The following ASB5 variants were observed in gnomAD, a reference collection of about 807,000 sequenced individuals.
ASB5 encodes ankyrin repeat and SOCS box protein 5.
ASB5 carries 45 observed loss-of-function variants against 42.1 expected under a neutral mutation model. That is an observed-to-expected ratio of 1.07 (90% CI 0.84 to 1.37). The LOEUF (loss-of-function observed/expected upper bound fraction) is 1.37. Among genes scored for constraint, ASB5 ranks in the 40% most tolerant of loss-of-function variants. The probability of loss-of-function intolerance (pLI) is 0.00; values close to 1 mark genes in which losing one functional copy is unlikely to be tolerated. For missense variants in ASB5, 402 were observed against 399.8 expected, an observed-to-expected ratio of 1.01 and a Z score of -0.05; for synonymous variants, 147 against 150.6, an observed-to-expected ratio of 0.98 and a Z score of 0.18.
Position 176,222,221 on chromosome 4 carries a change from C to T in ASB5, c.384+92G>A, listed in dbSNP as rs189858107. 493 of 1,165,692 alleles carry T rather than the reference C, an allele frequency of 4.2e-4. 1 individual carries two copies. Among genetic ancestry groups the T allele is most frequent in the Admixed American group, 1.9e-3 (81 of 42,820 alleles). 72.2% of individuals were successfully genotyped at this position (1,165,692 alleles called of 1,614,324 possible). A position where few individuals can be genotyped will look rare whatever the true frequency, so the allele number is the denominator to read the frequency against. ...TTATTCTGCTATTTTTGAAAACTAC[C>T]GAGAATGAAGGAAAGAAAAGTAAAA... is the stretch of plus-strand genomic sequence containing the variant. On this transcript the variant is annotated intron_variant, in intron 3 of 6. Coordinates refer to ENST00000296525, the MANE Select transcript of ASB5 (RefSeq NM_080874.4).
chr4:176,263,402 G>C (rs190260077), intron 1 of ASB5, among the ~76,000 whole-genome samples: 2 of 152,050 alleles, frequency 1.3e-5, no homozygotes, highest in Admixed American at 1.3e-4. Flanking sequence ...TTTGTTCCCA[G>C]ATTTCATTTT....
chr4:176,271,738 ATAT>A (rs1430064333), upstream of ASB5, among the ~76,000 whole-genome samples: 5 of 152,102 alleles, frequency 3.3e-5, no homozygotes, highest in East Asian at 1.9e-4. Flanking sequence ...AGGGGGGTGA[ATAT>A]TATTATTCAC....
chr4:176,228,208 A>C (rs955643015), intron 1 of ASB5, among the ~76,000 whole-genome samples: 1 of 152,218 alleles, frequency 6.6e-6, no homozygotes, highest in East Asian at 1.9e-4. Context: ...TTGTCTACAC[A>C]GTCTTTATTA....
intron 1 of ASB5, among the ~76,000 whole-genome samples, chr4:176,231,991 C>T (rs1022841133): frequency 5.3e-5 from 8 of 151,924 alleles, no homozygotes; most frequent in African/African-American, 1.7e-4. Flanking sequence ...CCTCAGTGTT[C>T]TCAAAATAGG....
upstream of ASB5, among the ~76,000 whole-genome samples, chr4:176,271,485 T>A (rs1480429360): frequency 3.3e-5 from 5 of 152,194 alleles, no homozygotes; most frequent in African/African-American, 1.2e-4. Context: ...TAAATGTTTT[T>A]ATAATATACC....
chr4:176,237,599 T>TGGTTTCTA (rs1753717793), intron 1 of ASB5: 1 of 984,032 alleles, frequency 1.0e-6, no homozygotes, highest in African/African-American at 1.7e-5. Context: ...AACACTTGGA[T>TGGTTTCTA]CAGGGCTGGT....
chr4:176,248,106 C>A (rs1476949784), intron 1 of ASB5, among the ~76,000 whole-genome samples: 1 of 152,050 alleles, frequency 6.6e-6, no homozygotes, highest in Non-Finnish European at 1.5e-5. Context: ...CACATGCCCA[C>A]CATATTGGCA....
chr4:176,267,685 C>T (rs956029522), intron 1 of ASB5, among the ~76,000 whole-genome samples: 2 of 152,142 alleles, frequency 1.3e-5, no homozygotes, highest in Non-Finnish European at 2.9e-5. Flanking sequence ...GGGTTAAATA[C>T]AGCCTATTTA....
intron 1 of ASB5, among the ~76,000 whole-genome samples, chr4:176,231,494 G>A (rs1314856883): frequency 6.6e-6 from 1 of 151,508 alleles, no homozygotes; most frequent in East Asian, 1.9e-4. Flanking sequence ...TTAGACCTCT[G>A]TCCATGGCCA....
upstream of ASB5, among the ~76,000 whole-genome samples, chr4:176,273,010 C>T (rs567189442): frequency 8.1e-5 from 11 of 136,224 alleles, no homozygotes; most frequent in African/African-American, 2.5e-4. Context: ...AGTGCAGTGT[C>T]ATGATGACAG....
intron 1 of ASB5, among the ~76,000 whole-genome samples, chr4:176,252,416 G>A (rs1754060699): frequency 1.3e-5 from 2 of 152,198 alleles, no homozygotes; most frequent in African/African-American, 4.8e-5. Flanking sequence ...ATTCACTTAA[G>A]TTTGAGTCCC....
chr4:176,219,355 ATATAAATATATATATTT>A (rs1220759127), intron 5 of ASB5, among the ~76,000 whole-genome samples: 3,496 of 102,826 alleles, frequency 0.034, 1 homozygote, highest in East Asian at 0.04. Context: ...TTTGTATGAT[ATATAAATATATATATTT>A]GTATGATATA....
chr4:176,246,635 C>T (rs1753918584), intron 1 of ASB5, among the ~76,000 whole-genome samples: 1 of 152,184 alleles, frequency 6.6e-6, no homozygotes, highest in Non-Finnish European at 1.5e-5. Flanking sequence ...AAACTCTCCT[C>T]AGTATACTGA....
intron 1 of ASB5, among the ~76,000 whole-genome samples, chr4:176,259,506 A>G (rs1186679637): frequency 2.0e-5 from 3 of 152,210 alleles, no homozygotes; most frequent in African/African-American, 4.8e-5. Context: ...CGCTGTTTCC[A>G]TGGTCATTAT....
intron 1 of ASB5, among the ~76,000 whole-genome samples, chr4:176,226,949 C>T (rs1402662836): frequency 6.6e-6 from 1 of 152,206 alleles, no homozygotes; most frequent in Non-Finnish European, 1.5e-5. Flanking sequence ...TGTCCTAGTG[C>T]TTAAGCATTC....
chr4:176,221,094 A>C, intron 5 of ASB5, 61 bp downstream of exon 5: 1 of 1,472,972 alleles, frequency 6.8e-7, no homozygotes, highest in East Asian at 2.3e-5. Flanking sequence ...ATGCTCATTT[A>C]GAGAAATAAA....
upstream of ASB5, among the ~76,000 whole-genome samples, chr4:176,272,962 T>TTC (rs397758925): frequency 6.9e-5 from 8 of 116,062 alleles, no homozygotes; most frequent in African/African-American, 1.7e-4. Context: ...TTTTTTTTTT[T>TTC]CTTGAGACAG....
intron 1 of ASB5, chr4:176,241,318 T>C (rs887595971): frequency 2.9e-6 from 2 of 682,368 alleles, no homozygotes; most frequent in Non-Finnish European, 2.3e-6. Flanking sequence ...TCTTTTTATT[T>C]CTGAACGTCA....
At chr4:176,225,227 A>T in intron 2 of ASB5, 35 bp downstream of exon 2, 1 of 1,525,868 alleles carries the variant, frequency 6.6e-7, no homozygotes. Flanking sequence ...GCACATGGAA[A>T]GGGGGTATAT....
Sources: gnomAD v4.1 joint callset for allele counts (sites outside exome capture counted in the v4.1 genomes callset) on GRCh38, gnomAD v4.1.1 for gene constraint, MANE v1.5 for transcripts, NCBI Gene and HGNC (gene_info 2026-07-23, HGNC 2026-07-21) for gene names.